Variants in PSMD10 observed in about 807,000 individuals in gnomAD.
The protein encoded by PSMD10 is 26S proteasome non-ATPase regulatory subunit 10.
In PSMD10, 2 loss-of-function variants were observed where a neutral mutation model predicts 13.2. The observed-to-expected ratio is 0.15, with a 90% CI of 0.06 to 0.48. PSMD10 has a LOEUF of 0.48. Among genes scored for constraint, PSMD10 ranks in the 20% least tolerant of loss-of-function variants. The pLI is 0.97. For missense variants in PSMD10, 120 were observed against 167.4 expected, an observed-to-expected ratio of 0.72 and a Z score of 1.56; for synonymous variants, 66 against 64.4, an observed-to-expected ratio of 1.03 and a Z score of -0.12.
chrX:108,087,621 T>A, intron 4 of PSMD10, 65 bp downstream of exon 4: 2 of 1,148,175 alleles, frequency 1.7e-6, no homozygotes, highest in South Asian at 4.2e-5. Flanking sequence ...AGAAATGATG[T>A]ATAAGAATTA....
At chrX:108,088,903 GA>G (rs201894843) in intron 1 of PSMD10, 53 bp from the exon 2 acceptor site, 397,008 of 926,294 alleles carry the variant, frequency 0.43, 66,282 homozygotes, top group Non-Finnish European at 0.46. Context: ...AAAAAAGCAA[GA>G]AAAAAAATAC....
intron 1 of PSMD10, among the ~76,000 whole-genome samples, chrX:108,091,163 G>A (rs2031602984): frequency 8.8e-6 from 1 of 113,443 alleles, no homozygotes. Flanking sequence ...TGCGGTAGAC[G>A]TTCTAGAACT....
chrX:108,088,446 C>T (rs2031525117), intron 2 of PSMD10: 1 of 311,687 alleles, frequency 3.2e-6, no homozygotes, highest in Non-Finnish European at 5.5e-6. Flanking sequence ...GACAAGGTCT[C>T]AGTCTGTCAC....
At chrX:108,088,968 C>T in intron 1 of PSMD10, 118 bp from the exon 2 acceptor site, 3 of 499,247 alleles carry the variant, frequency 6.0e-6, no homozygotes, top group Non-Finnish European at 1.0e-5. Flanking sequence ...ACTGGATCCT[C>T]AGGTAGGTAA....
rs1312503109 is a variant in PSMD10, at chrX:108,084,873, ACTT to A, written c.*98_*100del. On this transcript the variant is annotated 3_prime_UTR_variant, in exon 5 of 5. Coordinates refer to ENST00000217958, the MANE Select transcript of PSMD10 (RefSeq NM_002814.4). ...TTTATAAGACTTTGAAGGTGAGAAA[ACTT>A]CATCATTCATAGATGATGTCTTGTG... is the stretch of plus-strand genomic sequence containing the variant. 4 of 943,723 alleles carry A rather than the reference ACTT, an allele frequency of 4.2e-6. No individual in the cohort carries two copies. In the African/African-American group the frequency reaches 6.0e-5, roughly 14 times the overall value. The allele number at this position is 943,723 out of a possible 1,213,427, so 77.8% of individuals were successfully genotyped here. A position where few individuals can be genotyped will look rare whatever the true frequency, so the allele number is the denominator to read the frequency against.
intron 4 of PSMD10, 53 bp downstream of exon 4, chrX:108,087,633 T>C: frequency 8.6e-7 from 1 of 1,164,540 alleles, no homozygotes; most frequent in South Asian, 2.0e-5. Flanking sequence ...TAAGAATTAT[T>C]GCAAGAAGGC....
Position 108,085,044 on chromosome X carries a change from T to A in PSMD10, c.611A>T (p.Glu204Val). 8.3e-7 allele frequency: 1 copy of A among 1,210,423 alleles called. No homozygotes were observed. Among genetic ancestry groups the A allele is most frequent in the South Asian group, 1.8e-5 (1 of 56,761 alleles). The stretch of plus-strand genomic sequence containing the variant: ...GGCCACTTGCAGGGGTGTCTTTTCT[T>A]CTTTATTCTCAATGTAAATACTTGC... ...QGASIYIENK[E>V]EKTPLQVAKG... is the part of the protein sequence containing the mutation. Residue 204 changes from glutamate to valine, a missense_variant, in exon 5 of 5, where the codon GAA (glutamate) becomes GTA (valine). Transcript: ENST00000217958.
intron 1 of PSMD10, among the ~76,000 whole-genome samples, chrX:108,090,322 T>C (rs1047974337): frequency 8.9e-6 from 1 of 112,176 alleles, no homozygotes; most frequent in Non-Finnish European, 1.9e-5. Context: ...ATCCATAAAT[T>C]GCATTTCTTC....
intron 4 of PSMD10, among the ~76,000 whole-genome samples, chrX:108,086,355 C>A (rs973748193): frequency 8.9e-6 from 1 of 111,942 alleles, no homozygotes; most frequent in African/African-American, 3.2e-5. Flanking sequence ...TAATAAAAGA[C>A]GGGTGAATAT....
At chrX:108,087,895 A>G (rs768969800) in intron 3 of PSMD10, 43 bp from the exon 4 acceptor site, 4 of 1,211,909 alleles carry the variant, frequency 3.3e-6, no homozygotes, top group Admixed American at 4.3e-5. Context: ...GCAGAAATCT[A>G]TCTGTGTTTG....
At chrX:108,086,658 A>G (rs1479970706) in intron 4 of PSMD10, among the ~76,000 whole-genome samples, 1 of 111,956 alleles carries the variant, frequency 8.9e-6, no homozygotes, top group African/African-American at 3.2e-5. Context: ...GACATTAAAA[A>G]AAGTTCAAAT....
At chrX:108,085,541 C>T (rs908241050) in intron 4 of PSMD10, among the ~76,000 whole-genome samples, 3 of 112,407 alleles carry the variant, frequency 2.7e-5, no homozygotes, top group African/African-American at 9.7e-5. Context: ...AAGATTTTAT[C>T]TCATTTAGTC....
intron 2 of PSMD10, chrX:108,088,364 G>T: frequency 2.9e-6 from 1 of 347,538 alleles, no homozygotes; most frequent in Non-Finnish European, 5.0e-6. Context: ...AATAGAAAGA[G>T]TTTATGGTCT....
intron 1 of PSMD10, among the ~76,000 whole-genome samples, chrX:108,090,459 A>G (rs1487948454): frequency 1.8e-5 from 2 of 112,537 alleles, no homozygotes; most frequent in Non-Finnish European, 3.7e-5. Flanking sequence ...TTAAATTTAA[A>G]TCCTTAAATA....
In PSMD10 at chrX:108,088,830, G is replaced by A; in HGVS notation, c.135C>T (p.His45=). ...RTDQDSRTAL[H]WACSAGHTEI... is the part of the protein sequence containing the mutation. ...CTGTATGTCCAGCTGAGCATGCCCA[G>A]TGCAATGCAGTTCTGCTGTCCTACA... Residue 45 remains histidine, a synonymous_variant, in exon 2 of 5, where the codon CAC becomes CAT. Transcript: ENST00000217958. The A allele has an allele frequency of 1.7e-6, 2 of 1,185,025 alleles. No individual in the cohort carries two copies. The highest frequency in any genetic ancestry group is 2.3e-6 in the Non-Finnish European group (2 of 876,729).
At chrX:108,088,640 C>T (rs963766441) in intron 2 of PSMD10, 112 bp downstream of exon 2, 34 of 563,320 alleles carry the variant, frequency 6.0e-5, no homozygotes, top group Non-Finnish European at 8.9e-5. Flanking sequence ...ACTTTCCAGT[C>T]ATAAAGGTTA....
intron 1 of PSMD10, among the ~76,000 whole-genome samples, chrX:108,089,944 T>C (rs1309277394): frequency 1.8e-5 from 2 of 112,333 alleles, no homozygotes; most frequent in African/African-American, 3.2e-5. Flanking sequence ...CCCCACAGAA[T>C]AGAAAATGGT....
At chrX:108,088,943 T>C (rs1329068586) in intron 1 of PSMD10, 93 bp from the exon 2 acceptor site, 1 of 685,625 alleles carries the variant, frequency 1.5e-6, no homozygotes, top group Non-Finnish European at 2.2e-6. Context: ...AGTTTGAAAA[T>C]ACGAAATGCA....
intron 1 of PSMD10, among the ~76,000 whole-genome samples, chrX:108,089,075 C>T (rs781734660): frequency 2.7e-5 from 3 of 112,247 alleles, no homozygotes; most frequent in Non-Finnish European, 5.6e-5. Flanking sequence ...GGGCAGAATA[C>T]GACAAGGAAA....
Sources: allele counts gnomAD v4.1 joint callset (sites outside exome capture counted in the v4.1 genomes callset), GRCh38; gene constraint gnomAD v4.1.1; transcripts MANE v1.5; gene names NCBI Gene and HGNC (gene_info 2026-07-23, HGNC 2026-07-21).